The following ZNF599 variants were observed in gnomAD, a reference collection of about 807,000 sequenced individuals.
ZNF599 encodes the protein zinc finger protein 599.
ZNF599 carries 10 observed loss-of-function variants against 11.7 expected under a neutral mutation model. That is an observed-to-expected ratio of 0.86 (90% confidence interval 0.53 to 1.45). The LOEUF (loss-of-function observed/expected upper bound fraction) is 1.45. Among genes scored for constraint, ZNF599 ranks in the 40% most tolerant of loss-of-function variants. The pLI is 0.00. For synonymous variants in ZNF599, 232 were observed against 253.2 expected (o/e 0.92, Z 0.79); for missense variants, 688 against 713.6 (o/e 0.96, Z 0.41).
At chr19:34,785,553 T>C in the ZNF599 span, among the ~76,000 whole-genome samples, 2 of 152,184 alleles carry the variant, frequency 1.3e-5, no homozygotes, top group African/African-American at 4.8e-5. Context: ...TCCCCAGTGA[T>C]GATGGAAAGG....
the ZNF599 span, among the ~76,000 whole-genome samples, chr19:34,778,776 G>T: frequency 6.6e-6 from 1 of 152,176 alleles, no homozygotes; most frequent in East Asian, 1.9e-4. Flanking sequence ...ATTCATGAAT[G>T]ACTGAAGTAC....
chr19:34,765,255 C>A, intron 3 of ZNF599: 1 of 267,734 alleles, frequency 3.7e-6, no homozygotes, highest in Non-Finnish European at 7.2e-6. Context: ...TTGGCAGGAC[C>A]TCGATTTGCT....
chr19:34,766,399 CG>C (rs1478241718), intron 3 of ZNF599, among the ~76,000 whole-genome samples: 1 of 152,116 alleles, frequency 6.6e-6, no homozygotes, highest in African/African-American at 2.4e-5. Flanking sequence ...CAATAAATGA[CG>C]GGCTGGAGAA....
intron 2 of ZNF599, 80 bp downstream of exon 2, chr19:34,769,349 C>T (rs2069166720): frequency 2.5e-6 from 4 of 1,603,730 alleles, no homozygotes; most frequent in Admixed American, 1.7e-5. Context: ...GGTTCTGAGG[C>T]TCCTGGACCA....
upstream of ZNF599, among the ~76,000 whole-genome samples, chr19:34,774,980 T>TTAA (rs1423584943): frequency 6.6e-6 from 1 of 152,150 alleles, no homozygotes; most frequent in Non-Finnish European, 1.5e-5. Context: ...ATCTGACTGT[T>TTAA]TAAAAGTGTG....
intron 3 of ZNF599, 135 bp from the exon 4 acceptor site, chr19:34,760,694 C>T (rs2069107585): frequency 6.0e-6 from 5 of 838,574 alleles, no homozygotes; most frequent in South Asian, 1.9e-5. Flanking sequence ...CTCTCAAAAC[C>T]AGGCTTGCAA....
chr19:34,805,355 G>A, the ZNF599 span, among the ~76,000 whole-genome samples: 1 of 151,852 alleles, frequency 6.6e-6, no homozygotes, highest in African/African-American at 2.4e-5. Flanking sequence ...GTGCCACCAC[G>A]CCCAGCTAAT....
the ZNF599 span, among the ~76,000 whole-genome samples, chr19:34,783,740 G>C: frequency 4.6e-5 from 7 of 152,004 alleles, no homozygotes; most frequent in African/African-American, 1.7e-4. Context: ...CAGCAAGATC[G>C]TACTTACCAG....
intron 2 of ZNF599, among the ~76,000 whole-genome samples, 174 bp downstream of exon 2, chr19:34,769,255 C>T (rs1419744141): frequency 6.6e-6 from 1 of 152,190 alleles, no homozygotes; most frequent in African/African-American, 2.4e-5. Context: ...TCTTACATAA[C>T]AATCTTTGAT....
chr19:34,806,965 C>T, the ZNF599 span, among the ~76,000 whole-genome samples: 1 of 152,122 alleles, frequency 6.6e-6, no homozygotes, highest in South Asian at 2.1e-4. Flanking sequence ...TTTGACTTTC[C>T]TTTGTATATG....
chr19:34,806,333 T>C, the ZNF599 span, among the ~76,000 whole-genome samples: 3 of 152,350 alleles, frequency 2.0e-5, no homozygotes, highest in African/African-American at 4.8e-5. Context: ...TCAATCTCCC[T>C]GTACCTCACT....
intron 3 of ZNF599, chr19:34,764,981 C>T (rs894212743): frequency 2.0e-5 from 3 of 151,506 alleles, no homozygotes; most frequent in Admixed American, 6.6e-5. Context: ...CTCCAACAAG[C>T]TTGGCTGTTC....
chr19:34,788,680 G>T, the ZNF599 span: 2 of 152,158 alleles, frequency 1.3e-5, no homozygotes, highest in Non-Finnish European at 2.9e-5. Flanking sequence ...CACATCTGTG[G>T]ATTAAAAAAA....
At chr19:34,777,346 TATATATTATATATTA>T (rs1462348256), upstream of ZNF599, among the ~76,000 whole-genome samples, 2 of 90,398 alleles carry the variant, frequency 2.2e-5, no homozygotes, top group East Asian at 2.7e-4. Context: ...ATTAATATAT[TATATATTATATATTA>T]ATATATTATA....
chr19:34,799,384 G>A, the ZNF599 span, among the ~76,000 whole-genome samples: 1 of 152,140 alleles, frequency 6.6e-6, no homozygotes, highest in Non-Finnish European at 1.5e-5. Flanking sequence ...TTGGTGTCTT[G>A]ATAGCCCATT....
chr19:34,767,356 C>T lies in ZNF599; in HGVS notation c.201G>A (p.Leu67=). 6.2e-7 allele frequency: 1 copy of T among 1,614,200 alleles called. No homozygotes were observed. Residue 67 remains leucine, a synonymous_variant, in exon 3 of 4, where the codon CTG becomes CTA. Coordinates refer to ENST00000329285, the MANE Select transcript of ZNF599 (RefSeq NM_001007248.3). Reference sequence around the variant, plus strand: ...GGGAGAGGCCTCTCTTCACTGTCCACAGTTCCTGTCCATGTTCCAGTAGAT... The same window carrying T: ...GGGAGAGGCCTCTCTTCACTGTCCATAGTTCCTGTCCATGTTCCAGTAGAT... ...LIYLLEHGQE[L]WTVKRGLSQS... is the part of the protein sequence containing the mutation.
chr19:34,767,906 AG>A (rs1301298252), intron 2 of ZNF599, among the ~76,000 whole-genome samples: 2 of 152,240 alleles, frequency 1.3e-5, no homozygotes, highest in African/African-American at 4.8e-5. Context: ...GCCAGGAGTC[AG>A]CAGCACCTCA....
At position 34,759,948 on chromosome 19, in the gene ZNF599, A is replaced by T. The variant is rs2069099822; in HGVS notation, c.853T>A (p.Cys285Ser). 3 of 1,614,042 alleles carry T rather than the reference A, an allele frequency of 1.9e-6. No homozygotes were observed. The highest frequency in any genetic ancestry group is 2.5e-6 in the Non-Finnish European group (3 of 1,180,038). The change falls in exon 4 of 4, where the codon TGC becomes AGC. Residue 285 changes from cysteine (C) to serine (S), a missense_variant. Transcript: ENST00000329285. ...RIHTGDKPYE[C>S]KECGKAFTHR... is the part of the protein sequence containing the mutation. ...GTGAATGCTTTGCCACATTCTTTGC[A>T]CTCATAGGGCTTATCTCCGGTGTGA...
intron 3 of ZNF599, 96 bp downstream of exon 3, chr19:34,767,220 A>G: frequency 1.1e-6 from 1 of 923,518 alleles, no homozygotes; most frequent in Non-Finnish European, 1.7e-6. Context: ...ACTGCTCAAG[A>G]CCACAAAATA....
Sources: allele counts gnomAD v4.1 joint callset (sites outside exome capture counted in the v4.1 genomes callset), GRCh38; gene constraint gnomAD v4.1.1; transcripts MANE v1.5; gene names NCBI Gene and HGNC (gene_info 2026-07-23, HGNC 2026-07-21).